The following KCNT2 variants were observed in gnomAD, a reference collection of about 807,000 sequenced individuals.
The protein encoded by KCNT2 is potassium channel subfamily T member 2.
A neutral mutation model predicts 153.8 loss-of-function variants in KCNT2; 67 were observed. That is an observed-to-expected ratio of 0.44 (90% CI 0.36 to 0.53). The LOEUF is 0.53. Among genes scored for constraint, KCNT2 ranks in the 20% least tolerant of loss-of-function variants. The probability of loss-of-function intolerance (pLI) is 0.00; values close to 1 mark genes in which losing one functional copy is unlikely to be tolerated. For synonymous variants in KCNT2, 500 were observed against 458.8 expected, an observed-to-expected ratio of 1.09 and a Z score of -1.15; for missense variants, 975 against 1,354.8, an observed-to-expected ratio of 0.72 and a Z score of 4.40.
At chr1:196,512,522 A>G (rs1054732643) in intron 1 of KCNT2, among the ~76,000 whole-genome samples, 1 of 152,126 alleles carries the variant, frequency 6.6e-6, no homozygotes, top group Admixed American at 6.6e-5. Context: ...TTCAGCCAAA[A>G]TCATGTTGTT....
chr1:196,370,580 T>G (rs996430049), intron 14 of KCNT2, among the ~76,000 whole-genome samples: 1 of 151,646 alleles, frequency 6.6e-6, no homozygotes, highest in Non-Finnish European at 1.5e-5. Context: ...ATACTGCTGA[T>G]GATGTAAAGA....
intron 1 of KCNT2, among the ~76,000 whole-genome samples, chr1:196,492,946 T>C (rs541340984): frequency 5.5e-4 from 84 of 152,290 alleles, no homozygotes; most frequent in South Asian, 2.9e-3. Context: ...TTACCACAGA[T>C]AGATTATAAA....
intron 23 of KCNT2, among the ~76,000 whole-genome samples, chr1:196,284,777 G>A (rs376331452): frequency 2.0e-5 from 3 of 152,132 alleles, no homozygotes; most frequent in East Asian, 1.9e-4. Flanking sequence ...GGTTCCTGAC[G>A]TTGCTAGAGG....
chr1:196,482,749 C>T (rs1679112466), intron 3 of KCNT2, among the ~76,000 whole-genome samples: 1 of 151,888 alleles, frequency 6.6e-6, no homozygotes, highest in South Asian at 2.1e-4. Context: ...ATATATATGT[C>T]CTGTATAAAT....
At chr1:196,345,523 A>T (rs753613791) in intron 14 of KCNT2, among the ~76,000 whole-genome samples, 1 of 152,126 alleles carries the variant, frequency 6.6e-6, no homozygotes, top group Non-Finnish European at 1.5e-5. Context: ...TTTATAAATA[A>T]CTGTACTATG....
At chr1:196,454,464 A>T in intron 8 of KCNT2, among the ~76,000 whole-genome samples, 1 of 151,902 alleles carries the variant, frequency 6.6e-6, no homozygotes, top group East Asian at 1.9e-4. Context: ...GAGAATATGC[A>T]GTATTTAGTT....
At chr1:196,292,218 A>G (rs1372480564) in intron 22 of KCNT2, among the ~76,000 whole-genome samples, 1 of 152,222 alleles carries the variant, frequency 6.6e-6, no homozygotes. Context: ...ACACACTTAA[A>G]AATCAAATAT....
intron 27 of KCNT2, among the ~76,000 whole-genome samples, chr1:196,234,894 T>A (rs1432736178): frequency 6.6e-6 from 1 of 151,368 alleles, no homozygotes; most frequent in Non-Finnish European, 1.5e-5. Context: ...AATCTATAGT[T>A]AGTTACCCTG....
intron 12 of KCNT2, chr1:196,404,188 T>C: frequency 1.0e-6 from 1 of 956,856 alleles, no homozygotes; most frequent in Non-Finnish European, 1.2e-6. Flanking sequence ...ACTGCTCTAA[T>C]AGCTTCCACT....
At chr1:196,425,259 C>A (rs1429387238) in intron 11 of KCNT2, among the ~76,000 whole-genome samples, 1 of 151,862 alleles carries the variant, frequency 6.6e-6, no homozygotes, top group African/African-American at 2.4e-5. Flanking sequence ...GACTATGTCA[C>A]CTTTAAGACA....
rs189518180 is a variant in KCNT2, at chr1:196,460,939, G to A, written c.638+4354C>T. Among the ~76,000 whole-genome samples, 6 of 151,534 alleles carry A rather than the reference G, an allele frequency of 4.0e-5. No homozygotes were observed. In the East Asian group the frequency reaches 1.2e-3, roughly 30 times the overall value. On this transcript the variant is annotated intron_variant, in intron 8 of 27. Coordinates refer to ENST00000294725, the MANE Select transcript of KCNT2 (RefSeq NM_198503.5). ...CATTATGAAAATTTAAACCATAGCAGGAAGAATAAGGAAGAAAGTTGTTAG... is the reference window on the plus strand; with the variant it reads ...CATTATGAAAATTTAAACCATAGCAAGAAGAATAAGGAAGAAAGTTGTTAG...
intron 1 of KCNT2, among the ~76,000 whole-genome samples, chr1:196,593,230 C>G (rs1663602223): frequency 6.7e-6 from 1 of 149,220 alleles, no homozygotes; most frequent in Admixed American, 6.7e-5. Flanking sequence ...TAATTCCATC[C>G]AGGTTGCTGC....
intron 21 of KCNT2, among the ~76,000 whole-genome samples, chr1:196,308,036 A>G (rs1347455982): frequency 2.0e-5 from 3 of 152,114 alleles, no homozygotes; most frequent in African/African-American, 7.2e-5. Context: ...GAAAAATAGG[A>G]CAAAAATGAA....
At chr1:196,354,390 T>C (rs1249706400) in intron 14 of KCNT2, among the ~76,000 whole-genome samples, 1 of 151,730 alleles carries the variant, frequency 6.6e-6, no homozygotes, top group Non-Finnish European at 1.5e-5. Flanking sequence ...CAGATTTTCA[T>C]ATTAGTTACT....
intron 7 of KCNT2, among the ~76,000 whole-genome samples, chr1:196,466,049 T>C (rs1427497550): frequency 6.6e-6 from 1 of 151,914 alleles, no homozygotes; most frequent in African/African-American, 2.4e-5. Flanking sequence ...GAGGTATTAA[T>C]GAACAGAAAA....
chr1:196,483,112 T>C (rs1021517114), intron 3 of KCNT2, among the ~76,000 whole-genome samples: 1 of 152,106 alleles, frequency 6.6e-6, no homozygotes, highest in African/African-American at 2.4e-5. Flanking sequence ...ATAATTACAT[T>C]TTCCTGAAGA....
intron 22 of KCNT2, among the ~76,000 whole-genome samples, chr1:196,297,183 A>G (rs1488111264): frequency 6.6e-6 from 1 of 151,760 alleles, no homozygotes; most frequent in Non-Finnish European, 1.5e-5. Context: ...CAATTGTTGG[A>G]CTTCCTAAGA....
chr1:196,289,656 A>T (rs1660004873), intron 22 of KCNT2, among the ~76,000 whole-genome samples: 1 of 152,126 alleles, frequency 6.6e-6, no homozygotes, highest in South Asian at 2.1e-4. Flanking sequence ...GAATGTGAAG[A>T]ATTGTAATGT....
intron 12 of KCNT2, among the ~76,000 whole-genome samples, chr1:196,405,082 C>A (rs1671720717): frequency 6.6e-6 from 1 of 150,912 alleles, no homozygotes; most frequent in Non-Finnish European, 1.5e-5. Context: ...TATAACATGG[C>A]ATAAATATCA....
Sources: gnomAD v4.1 joint callset for allele counts (sites outside exome capture counted in the v4.1 genomes callset) on GRCh38, gnomAD v4.1.1 for gene constraint, MANE v1.5 for transcripts, NCBI Gene and HGNC (gene_info 2026-07-23, HGNC 2026-07-21) for gene names.